Variants in VMP1 observed in about 807,000 individuals in gnomAD.
The protein encoded by VMP1 is vacuole membrane protein 1, also known as ectopic P-granules autophagy protein 3 homolog.
VMP1 carries 11 observed loss-of-function variants against 56.0 expected under a neutral mutation model. The ratio of observed to expected loss-of-function variants is 0.20; its 90% CI spans 0.12 to 0.32. The LOEUF is 0.32. Ranked by LOEUF, VMP1 falls within the 10% of genes least tolerant of loss-of-function variation. VMP1 has a pLI of 1.00. For synonymous variants in VMP1, 149 were observed against 165.0 expected (o/e 0.90, Z 0.74); for missense variants, 296 against 490.3 (o/e 0.60, Z 3.74).
chr17:59,751,198 T>A (rs1490664293), intron 5 of VMP1, among the ~76,000 whole-genome samples: 1 of 152,100 alleles, frequency 6.6e-6, no homozygotes, highest in East Asian at 1.9e-4. Flanking sequence ...TTTTAAGCAC[T>A]CTTTTATTGC....
intron 8 of VMP1, among the ~76,000 whole-genome samples, chr17:59,810,044 T>G (rs1440665211): frequency 1.3e-5 from 2 of 152,198 alleles, no homozygotes; most frequent in African/African-American, 4.8e-5. Context: ...TAAGAAGTCT[T>G]TTTCCAAAGT....
chr17:59,802,680 C>A (rs2037714494), intron 7 of VMP1, among the ~76,000 whole-genome samples: 1 of 152,198 alleles, frequency 6.6e-6, no homozygotes, highest in East Asian at 1.9e-4. Flanking sequence ...ATTCTCTTGC[C>A]TAGGCCTCCT....
intron 1 of VMP1, among the ~76,000 whole-genome samples, chr17:59,713,237 A>T (rs1263712422): frequency 2.1e-4 from 30 of 143,894 alleles, no homozygotes; most frequent in Non-Finnish European, 1.5e-5. Flanking sequence ...GACATCACAC[A>T]CCGGGGCCTG....
intron 6 of VMP1, among the ~76,000 whole-genome samples, chr17:59,765,447 C>A (rs1393780171): frequency 6.6e-6 from 1 of 152,118 alleles, no homozygotes; most frequent in Non-Finnish European, 1.5e-5. Context: ...GGTGCCAACC[C>A]CCTGTGCAGT....
At chr17:59,774,412 T>TA (rs66716062) in intron 7 of VMP1, among the ~76,000 whole-genome samples, 152 of 141,738 alleles carry the variant, frequency 1.1e-3, no homozygotes, top group African/African-American at 3.4e-3. Context: ...GCCCTCTCTC[T>TA]AAAAAAAAAA....
intron 11 of VMP1, 107 bp from the exon 12 acceptor site, chr17:59,839,661 C>A (rs773210563): frequency 4.6e-5 from 63 of 1,382,040 alleles, no homozygotes; most frequent in Non-Finnish European, 5.5e-5. Context: ...ATTTTTAATT[C>A]TTTAGGTTTT....
chr17:59,809,022 G>A (rs532467276), intron 8 of VMP1, 146 bp downstream of exon 8: 89 of 656,760 alleles, frequency 1.4e-4, no homozygotes, highest in African/African-American at 1.3e-3. Context: ...TTTTTAAGAC[G>A]GAGTCTCCCT....
chr17:59,815,855 C>CAA (rs71145576), intron 9 of VMP1, among the ~76,000 whole-genome samples: 37,088 of 103,530 alleles, frequency 0.36, 7,657 homozygotes, highest in Non-Finnish European at 0.45. Context: ...GACTCCGTCT[C>CAA]AAAAAAAAAA....
intron 7 of VMP1, among the ~76,000 whole-genome samples, chr17:59,780,269 ACATACTGTTT>A (rs1303277920): frequency 6.6e-6 from 1 of 152,232 alleles, no homozygotes; most frequent in Non-Finnish European, 1.5e-5. Context: ...AAATGTACAC[ACATACTGTTT>A]CATGTTCTTT....
At chr17:59,744,688 G>A (rs1265385018) in intron 5 of VMP1, among the ~76,000 whole-genome samples, 2 of 149,050 alleles carry the variant, frequency 1.3e-5, no homozygotes, top group African/African-American at 4.9e-5. Context: ...AGAAGAAAAG[G>A]AAGGAAGGAA....
At chr17:59,724,351 A>G (rs1359187562) in intron 1 of VMP1, among the ~76,000 whole-genome samples, 1 of 152,186 alleles carries the variant, frequency 6.6e-6, no homozygotes, top group African/African-American at 2.4e-5. Flanking sequence ...AAAGTTTATT[A>G]GCAGGAATCA....
chr17:59,758,013 G>T (rs1037878078), intron 5 of VMP1, among the ~76,000 whole-genome samples: 3 of 151,444 alleles, frequency 2.0e-5, no homozygotes, highest in Admixed American at 1.3e-4. Flanking sequence ...CTAATTTTTT[G>T]TTTTGTTTTG....
At chr17:59,839,063 T>G (rs2039074229) in intron 11 of VMP1, 1 of 153,284 alleles carries the variant, frequency 6.5e-6, no homozygotes, top group Admixed American at 6.5e-5. Flanking sequence ...GGCGCGATCT[T>G]GGCTCACTGC....
Position 59,764,906 on chromosome 17 carries a change from A to T in VMP1, c.415-65A>T, listed in dbSNP as rs183911852. On this transcript the variant is annotated intron_variant, in intron 5 of 11. Coordinates refer to ENST00000262291, the MANE Select transcript of VMP1 (RefSeq NM_030938.5). Reference sequence around the variant, plus strand: ...CTTACACAGTAATTAATATATTTTTAAAATAATGTGTATTGATAATTTTTT... The same window carrying T: ...CTTACACAGTAATTAATATATTTTTTAAATAATGTGTATTGATAATTTTTT... 5.4e-4 allele frequency: 648 copies of T among 1,209,704 alleles called. 8 individuals carry two copies. The East Asian group carries it at 0.012, about 22-fold the overall frequency. 74.9% of individuals were successfully genotyped at this position (1,209,704 alleles called of 1,614,324 possible).
chr17:59,798,002 C>A (rs2037504493), intron 7 of VMP1, among the ~76,000 whole-genome samples: 1 of 152,156 alleles, frequency 6.6e-6, no homozygotes, highest in South Asian at 2.1e-4. Flanking sequence ...CTAGGAGTGC[C>A]ACCAGCAGGG....
intron 2 of VMP1, among the ~76,000 whole-genome samples, chr17:59,732,735 GA>G (rs2034879228): frequency 6.6e-6 from 1 of 152,066 alleles, no homozygotes; most frequent in Non-Finnish European, 1.5e-5. Context: ...TTTCCTTTTA[GA>G]GAGCACATAC....
intron 7 of VMP1, among the ~76,000 whole-genome samples, chr17:59,800,742 G>A (rs1045943362): frequency 1.3e-5 from 2 of 152,064 alleles, no homozygotes; most frequent in Non-Finnish European, 2.9e-5. Flanking sequence ...TGTTTGTGGC[G>A]ATGCTGGTGT....
intron 7 of VMP1, among the ~76,000 whole-genome samples, chr17:59,804,637 A>G (rs959612754): frequency 2.0e-5 from 3 of 149,846 alleles, no homozygotes; most frequent in African/African-American, 7.3e-5. Flanking sequence ...AAAAAAAAAA[A>G]GTGAAATAAA....
chr17:59,765,684 T>A (rs922054851), intron 6 of VMP1, among the ~76,000 whole-genome samples: 1 of 152,006 alleles, frequency 6.6e-6, no homozygotes, highest in African/African-American at 2.4e-5. Context: ...TTGAAGAGGC[T>A]GAGGCTGAGG....
Sources: allele counts gnomAD v4.1 joint callset (sites outside exome capture counted in the v4.1 genomes callset), GRCh38; gene constraint gnomAD v4.1.1; transcripts MANE v1.5; gene names NCBI Gene and HGNC (gene_info 2026-07-23, HGNC 2026-07-21).